The following ITGA8 variants were observed in gnomAD, a reference collection of about 807,000 sequenced individuals.
The protein encoded by ITGA8 is integrin alpha-8.
A neutral mutation model predicts 142.3 loss-of-function variants in ITGA8; 91 were observed. That is an observed-to-expected ratio of 0.64 (90% CI 0.54 to 0.76). The LOEUF (loss-of-function observed/expected upper bound fraction) is 0.76, where lower values mean the gene tolerates loss of function less well. Ranked by LOEUF, ITGA8 falls within the 30% of genes least tolerant of loss-of-function variation. The pLI is 0.00. For missense variants in ITGA8, 1,406 were observed against 1,327.7 expected (o/e 1.06, Z -0.92); for synonymous variants, 505 against 485.2 (o/e 1.04, Z -0.54).
At chr10:15,566,985 C>A (rs1834092138) in intron 25 of ITGA8, among the ~76,000 whole-genome samples, 1 of 149,436 alleles carries the variant, frequency 6.7e-6, no homozygotes. Context: ...TGGTGAAAAC[C>A]CATCTCTACT....
intron 12 of ITGA8, among the ~76,000 whole-genome samples, chr10:15,646,252 A>G (rs1373841110): frequency 6.6e-6 from 1 of 152,228 alleles, no homozygotes; most frequent in Non-Finnish European, 1.5e-5. Context: ...AATAAGAAAT[A>G]TTTCTGCAAG....
chr10:15,681,494 C>T (rs1411378576), intron 4 of ITGA8, among the ~76,000 whole-genome samples: 1 of 152,196 alleles, frequency 6.6e-6, no homozygotes, highest in Non-Finnish European at 1.5e-5. Flanking sequence ...GTCCATGTAG[C>T]TTAAGATGCA....
At chr10:15,611,543 G>A (rs1833294824) in intron 15 of ITGA8, 1 of 144,848 alleles carries the variant, frequency 6.9e-6, no homozygotes, top group Non-Finnish European at 1.5e-5. Context: ...CCAGGCTGGA[G>A]TGCAGTGGTG....
At chr10:15,558,269 T>C in intron 25 of ITGA8, 67 bp from the exon 26 acceptor site, 1 of 1,586,392 alleles carries the variant, frequency 6.3e-7, no homozygotes, top group Admixed American at 1.8e-5. Context: ...TTCTTTAGCC[T>C]TGAACTCTAG....
intron 25 of ITGA8, among the ~76,000 whole-genome samples, chr10:15,567,839 C>T (rs1473217211): frequency 1.3e-5 from 2 of 152,196 alleles, no homozygotes; most frequent in African/African-American, 4.8e-5. Flanking sequence ...CACCTTCCCT[C>T]ACGCCCTAAG....
chr10:15,592,547 C>A (rs1251092288), intron 21 of ITGA8, among the ~76,000 whole-genome samples: 3 of 152,210 alleles, frequency 2.0e-5, no homozygotes, highest in African/African-American at 4.8e-5. Flanking sequence ...CTCCTGCCAC[C>A]TTTTTGTGTG....
Position 15,558,107 on chromosome 10 carries a change from G to T in ITGA8, c.2733C>A (p.Val911=). 1.2e-6 allele frequency: 2 copies of T among 1,614,068 alleles called. No individual in the cohort carries two copies. The highest frequency in any genetic ancestry group is 8.5e-7 in the Non-Finnish European group (1 of 1,180,014). The change falls in exon 26 of 30, where the codon GTC becomes GTA. Residue 911 remains valine, a synonymous_variant. Coordinates refer to ENST00000378076, the MANE Select transcript of ITGA8 (RefSeq NM_003638.3). ...HLVRKRDVHV[V]EFHRQSPAKI... is the part of the protein sequence containing the mutation. ...TTGCAGGGCTCTGTCTGTGGAATTC[G>T]ACCACATGTACATCCCTCTTCCTGA...
In ITGA8 at chr10:15,516,683, T is replaced by C. The variant is rs1832965336; in HGVS notation, c.*475A>G. 6.6e-6 allele frequency: 1 copy of C among 152,512 alleles called. No individual in the cohort carries two copies. The highest frequency in any genetic ancestry group is 2.4e-5 in the African/African-American group (1 of 41,474). The allele number at this position is 152,512 out of a possible 1,614,324, so 9.4% of individuals were successfully genotyped here. ...GCCATAATGTCCTTAGAAATGTTTC[T>C]TTTCCATAGGGAGGTGTCAAATGTT... On this transcript the variant is annotated 3_prime_UTR_variant, in exon 30 of 30. Transcript: ENST00000378076.
At chr10:15,642,870 GC>G (rs977695281) in intron 13 of ITGA8, among the ~76,000 whole-genome samples, 5 of 152,160 alleles carry the variant, frequency 3.3e-5, no homozygotes, top group Admixed American at 6.5e-5. Context: ...ACTGGATGCT[GC>G]CCCAAACCAA....
At chr10:15,638,884 TG>T (rs1412383379) in intron 13 of ITGA8, among the ~76,000 whole-genome samples, 1 of 152,050 alleles carries the variant, frequency 6.6e-6, no homozygotes, top group Non-Finnish European at 1.5e-5. Context: ...CCCAACTTCT[TG>T]GGAGCCTGAG....
intron 13 of ITGA8, among the ~76,000 whole-genome samples, chr10:15,629,727 G>T (rs1423790528): frequency 6.6e-6 from 1 of 152,024 alleles, no homozygotes; most frequent in Non-Finnish European, 1.5e-5. Context: ...AGGAGTTTGA[G>T]ATCAACCTGG....
At chr10:15,700,235 G>A (rs1044750421) in intron 2 of ITGA8, among the ~76,000 whole-genome samples, 2 of 152,060 alleles carry the variant, frequency 1.3e-5, no homozygotes, top group South Asian at 2.1e-4. Context: ...ATTTCTTCCC[G>A]GTGATTTATA....
chr10:15,570,610 CAAAA>C (rs931457896), intron 25 of ITGA8, among the ~76,000 whole-genome samples: 3 of 40,038 alleles, frequency 7.5e-5, no homozygotes, highest in Non-Finnish European at 1.5e-4. Flanking sequence ...AACTCCATCT[CAAAA>C]AAAAAAAAAA....
chr10:15,582,051 C>A (rs1834418142), intron 23 of ITGA8, among the ~76,000 whole-genome samples: 1 of 152,230 alleles, frequency 6.6e-6, no homozygotes, highest in Non-Finnish European at 1.5e-5. Flanking sequence ...CCAGCTTGGG[C>A]AACACAGTGG....
intron 15 of ITGA8, among the ~76,000 whole-genome samples, chr10:15,610,036 C>T (rs1420649316): frequency 1.3e-5 from 2 of 151,956 alleles, no homozygotes; most frequent in East Asian, 3.9e-4. Context: ...CTATTTCTTT[C>T]TTAGCTCACT....
chr10:15,638,182 A>G (rs1309755742), intron 13 of ITGA8, among the ~76,000 whole-genome samples: 3 of 152,226 alleles, frequency 2.0e-5, no homozygotes, highest in Non-Finnish European at 4.4e-5. Context: ...AGATCGTTTG[A>G]CAATGAATAA....
At chr10:15,693,075 A>G (rs1240293286) in intron 2 of ITGA8, among the ~76,000 whole-genome samples, 1 of 152,166 alleles carries the variant, frequency 6.6e-6, no homozygotes, top group Non-Finnish European at 1.5e-5. Context: ...TCAAAATAAA[A>G]TAAAATAAAA....
chr10:15,576,249 T>TGA (rs986080621), intron 23 of ITGA8, among the ~76,000 whole-genome samples: 3 of 152,046 alleles, frequency 2.0e-5, no homozygotes, highest in Admixed American at 6.6e-5. Context: ...ATCTCAAGTG[T>TGA]GAGAGAGAGA....
intron 8 of ITGA8, among the ~76,000 whole-genome samples, chr10:15,663,759 G>C (rs1450007747): frequency 6.6e-6 from 1 of 151,916 alleles, no homozygotes; most frequent in South Asian, 2.1e-4. Flanking sequence ...TTTTTGAGAG[G>C]AGGTCTCACT....
Sources: allele counts gnomAD v4.1 joint callset (sites outside exome capture counted in the v4.1 genomes callset), GRCh38; gene constraint gnomAD v4.1.1; transcripts MANE v1.5; gene names NCBI Gene and HGNC (gene_info 2026-07-23, HGNC 2026-07-21).